Variants in ADRA1B observed in about 807,000 individuals in gnomAD.
ADRA1B encodes the protein alpha-1B adrenergic receptor.
ADRA1B carries 17 observed loss-of-function variants against 17.9 expected under a neutral mutation model. The ratio of observed to expected loss-of-function variants is 0.95; its 90% CI spans 0.65 to 1.42. The LOEUF is 1.42. Ranked by LOEUF, ADRA1B falls within the 40% of genes most tolerant of loss-of-function variation. ADRA1B has a pLI of 0.00. For missense variants in ADRA1B, 681 were observed against 722.1 expected (o/e 0.94, Z 0.65); for synonymous variants, 366 against 327.6 (o/e 1.12, Z -1.27).
chr5:159,877,779 G>A (rs946277847), intron 1 of ADRA1B, among the ~76,000 whole-genome samples: 1 of 152,120 alleles, frequency 6.6e-6, no homozygotes, highest in African/African-American at 2.4e-5. Context: ...CGTGCCCAGG[G>A]CTGCTCAGTT....
At chr5:159,949,771 C>T (rs544245831) in intron 1 of ADRA1B, among the ~76,000 whole-genome samples, 2 of 152,322 alleles carry the variant, frequency 1.3e-5, no homozygotes, top group South Asian at 2.1e-4. Flanking sequence ...ATGGACCGGC[C>T]GGCACCAGCC....
intron 1 of ADRA1B, chr5:159,871,244 A>G (rs1753735445): frequency 6.6e-6 from 1 of 152,202 alleles, no homozygotes; most frequent in Non-Finnish European, 1.5e-5. Flanking sequence ...CCAATGCAAC[A>G]TGGTTAAAAA....
chr5:159,978,129 CCA>C, the ADRA1B span, among the ~76,000 whole-genome samples: 1 of 152,000 alleles, frequency 6.6e-6, no homozygotes, highest in Non-Finnish European at 1.5e-5. Flanking sequence ...GTCTGTTTCC[CCA>C]CACACACACT....
intron 1 of ADRA1B, among the ~76,000 whole-genome samples, chr5:159,919,054 C>A (rs976505665): frequency 1.2e-4 from 18 of 152,082 alleles, no homozygotes; most frequent in African/African-American, 3.9e-4. Context: ...ACACTGCTTT[C>A]AAGAGAAAAA....
chr5:159,974,416 C>A (rs762617251), downstream of ADRA1B, among the ~76,000 whole-genome samples: 5 of 152,160 alleles, frequency 3.3e-5, no homozygotes, highest in Non-Finnish European at 5.9e-5. Context: ...GGGTGGATCA[C>A]CTGAGGTCAG....
Position 159,910,591 on chromosome 5 carries a change from C to T in ADRA1B, c.-255-5528C>T, listed in dbSNP as rs868653252. 2.0e-5 allele frequency among the ~76,000 whole-genome samples: 3 copies of T among 152,216 alleles called. No individual in the cohort carries two copies. In the South Asian group the frequency reaches 6.2e-4, roughly 32 times the overall value. On this transcript the variant is annotated intron_variant, in intron 1 of 2. Transcript: ENST00000641205. Reference sequence around the variant, plus strand: ...AATATTTTAGGCTTTACCGGACAGACGGTCTCTGTTGCAGCTACTCAACTC... The same window carrying T: ...AATATTTTAGGCTTTACCGGACAGATGGTCTCTGTTGCAGCTACTCAACTC...
At chr5:159,868,618 T>G (rs1330626808) in intron 1 of ADRA1B, 1 of 152,246 alleles carries the variant, frequency 6.6e-6, no homozygotes, top group South Asian at 2.1e-4. Context: ...GAAAGCTTTG[T>G]GGCTAAAACT....
chr5:159,956,233 C>G (rs1441229241), intron 1 of ADRA1B, among the ~76,000 whole-genome samples: 1 of 151,992 alleles, frequency 6.6e-6, no homozygotes, highest in Admixed American at 6.6e-5. Flanking sequence ...AGGAGGAGAC[C>G]CGTTTCAAAG....
chr5:159,935,545 A>G (rs1754929730), intron 1 of ADRA1B, among the ~76,000 whole-genome samples: 1 of 151,210 alleles, frequency 6.6e-6, no homozygotes, highest in African/African-American at 2.4e-5. Context: ...ACTTTCTTCT[A>G]TACAATTTTT....
rs11471058 is a variant in ADRA1B at position 159,881,299 on chromosome 5, T to TTCTCTC, written c.-256+16135_-256+16140dup. ...GTGGAATGAGAACAATATCAGAAAGTTCTCTCTCTCTCTCTCTCTCTCTCT... is the reference window on the plus strand; with the variant it reads ...GTGGAATGAGAACAATATCAGAAAGTTCTCTCTCTCTCTCTCTCTCTCTCTCTCTCT... On this transcript the variant is annotated intron_variant, in intron 1 of 2. Transcript: ENST00000641205. 2.5e-4 allele frequency among the ~76,000 whole-genome samples: 33 copies of TTCTCTC among 131,950 alleles called. 1 individual carries two copies. The highest frequency in any genetic ancestry group is 2.9e-4 in the African/African-American group (10 of 34,572). 86.6% of individuals were successfully genotyped at this position (131,950 alleles called of 152,430 possible).
intron 1 of ADRA1B, among the ~76,000 whole-genome samples, chr5:159,946,016 G>A: frequency 6.6e-6 from 1 of 152,144 alleles, no homozygotes; most frequent in East Asian, 1.9e-4. Flanking sequence ...CAAAGTGCTG[G>A]GATTACAGGC....
At chr5:159,884,316 G>A (rs1449771714) in intron 1 of ADRA1B, among the ~76,000 whole-genome samples, 1 of 152,200 alleles carries the variant, frequency 6.6e-6, no homozygotes, top group Admixed American at 6.5e-5. Context: ...GTGTTGAGAG[G>A]TGGGACTTTT....
At chr5:159,883,569 C>T (rs1464536410) in intron 1 of ADRA1B, among the ~76,000 whole-genome samples, 1 of 152,232 alleles carries the variant, frequency 6.6e-6, no homozygotes, top group African/African-American at 2.4e-5. Flanking sequence ...AGAAGGCCTA[C>T]AGGGACTTCA....
chr5:159,964,382 G>A (rs1187029455), intron 1 of ADRA1B, among the ~76,000 whole-genome samples: 2 of 152,220 alleles, frequency 1.3e-5, no homozygotes, highest in African/African-American at 4.8e-5. Context: ...AGCTATCCAG[G>A]AGGTACAAAC....
chr5:159,898,355 C>A (rs1754059624), intron 1 of ADRA1B, among the ~76,000 whole-genome samples: 1 of 152,140 alleles, frequency 6.6e-6, no homozygotes, highest in Non-Finnish European at 1.5e-5. Flanking sequence ...AACTATCGCC[C>A]ATAGATTTTA....
At position 159,971,916 on chromosome 5, in the gene ADRA1B, G is replaced by A. The variant is rs139037965; in HGVS notation, c.987G>A (p.Val329=). The A allele has an allele frequency of 3.1e-5, 43 of 1,380,924 alleles. No individual in the cohort carries two copies. The Admixed American group carries it at 3.5e-4, about 11-fold the overall frequency. The allele number at this position is 1,380,924 out of a possible 1,614,324, so 85.5% of individuals were successfully genotyped here. A position where few individuals can be genotyped will look rare whatever the true frequency, so the allele number is the denominator to read the frequency against. Residue 329 remains valine (V), a synonymous_variant, in exon 2 of 2, where the codon GTG becomes GTA. Transcript: ENST00000306675. ...LFSTLKPPDA[V]FKVVFWLGYF... is the part of the protein sequence containing the mutation. ...CCACCCTGAAGCCCCCCGACGCCGT[G>A]TTCAAGGTGGTGTTCTGGCTGGGCT...
At chr5:159,898,279 C>T (rs901593733) in intron 1 of ADRA1B, among the ~76,000 whole-genome samples, 2 of 152,164 alleles carry the variant, frequency 1.3e-5, no homozygotes, top group Non-Finnish European at 2.9e-5. Flanking sequence ...CCTGTGAACA[C>T]AGAGAGCAGG....
At chr5:159,936,112 G>C (rs929072445) in intron 1 of ADRA1B, among the ~76,000 whole-genome samples, 3 of 152,220 alleles carry the variant, frequency 2.0e-5, no homozygotes, top group Admixed American at 2.0e-4. Context: ...TTTTTCCCCA[G>C]GGGACGTTTA....
At chr5:159,876,940 C>T (rs1236657035) in intron 1 of ADRA1B, among the ~76,000 whole-genome samples, 1 of 152,216 alleles carries the variant, frequency 6.6e-6, no homozygotes, top group African/African-American at 2.4e-5. Flanking sequence ...CATCAGAGAG[C>T]AGGTTCCCAT....
Sources: allele counts gnomAD v4.1 joint callset (sites outside exome capture counted in the v4.1 genomes callset), GRCh38; gene constraint gnomAD v4.1.1; transcripts MANE v1.5; gene names NCBI Gene and HGNC (gene_info 2026-07-23, HGNC 2026-07-21).